The following LOXL2 variants were observed in gnomAD, a reference collection of about 807,000 sequenced individuals.
LOXL2 encodes lysyl oxidase like 2, also known as lysyl oxidase homolog 2.
Under a neutral mutation model 93.0 loss-of-function variants are expected in LOXL2, and 70 were observed. The observed-to-expected ratio is 0.75, with a 90% CI of 0.62 to 0.92. The LOEUF is 0.92. Among genes scored for constraint, LOXL2 ranks in the 40% least tolerant of loss-of-function variants. The pLI, the probability that LOXL2 is intolerant of heterozygous loss-of-function variation, is 0.00. For missense variants in LOXL2, 973 were observed against 1,054.9 expected (o/e 0.92, Z 1.08); for synonymous variants, 438 against 413.2 (o/e 1.06, Z -0.73).
chr8:23,366,341 C>T (rs1486623528), intron 2 of LOXL2, among the ~76,000 whole-genome samples: 2 of 152,240 alleles, frequency 1.3e-5, no homozygotes, highest in East Asian at 3.8e-4. Context: ...GAGCAAGCTG[C>T]AGAGAACATT....
At chr8:23,331,498 C>T (rs1803676718) in intron 5 of LOXL2, 1 of 152,250 alleles carries the variant, frequency 6.6e-6, no homozygotes, top group Non-Finnish European at 1.5e-5. Context: ...TTACCTGGCA[C>T]AGGGCATCAG....
chr8:23,312,080 C>G (rs545882443), intron 9 of LOXL2, among the ~76,000 whole-genome samples: 1 of 152,154 alleles, frequency 6.6e-6, no homozygotes, highest in African/African-American at 2.4e-5. Flanking sequence ...ACACATACAC[C>G]GTCCCAAGAC....
At chr8:23,311,626 G>C (rs77755347) in intron 9 of LOXL2, among the ~76,000 whole-genome samples, 11,618 of 152,216 alleles carry the variant, frequency 0.076, 617 homozygotes, top group African/African-American at 0.15. Context: ...GCCATGGGTT[G>C]GGGACTTGGC....
Position 23,378,876 on chromosome 8 carries a change from T to C in LOXL2, c.-83-10442A>G, listed in dbSNP as rs535632920. On this transcript the variant is annotated intron_variant, in intron 1 of 13. Coordinates refer to ENST00000389131, the MANE Select transcript of LOXL2 (RefSeq NM_002318.3). ...TTCAAGGTTTTTAGCTTATGTTGGG[T>C]TTGAAATTCCTCCTTTAGCTTGGAG... Among the ~76,000 whole-genome samples the C allele has an allele frequency of 4.6e-5, 7 of 152,330 alleles. No individual in the cohort carries two copies. The East Asian group carries it at 1.4e-3, about 29-fold the overall frequency.
chr8:23,359,422 T>C (rs767909324), intron 3 of LOXL2, among the ~76,000 whole-genome samples: 6 of 152,136 alleles, frequency 3.9e-5, no homozygotes, highest in Non-Finnish European at 8.8e-5. Flanking sequence ...ACAACCACCA[T>C]GTCCTGAGGC....
intron 11 of LOXL2, among the ~76,000 whole-genome samples, chr8:23,302,605 C>T (rs1205247504): frequency 6.6e-6 from 1 of 152,214 alleles, no homozygotes; most frequent in Non-Finnish European, 1.5e-5. Flanking sequence ...AAGAGGTCAA[C>T]ACCTGTCTGC....
intron 3 of LOXL2, among the ~76,000 whole-genome samples, chr8:23,359,435 C>T (rs554871057): frequency 1.3e-3 from 199 of 152,284 alleles, no homozygotes; most frequent in African/African-American, 4.5e-3. Context: ...CCTGAGGCCA[C>T]TCAGGCAGCC....
intron 3 of LOXL2, among the ~76,000 whole-genome samples, chr8:23,342,770 A>T (rs530724335): frequency 6.7e-6 from 1 of 150,240 alleles, no homozygotes; most frequent in Non-Finnish European, 1.5e-5. Flanking sequence ...TTCTTTTTTG[A>T]GGCAGGGTCT....
At chr8:23,303,198 G>C (rs577816368) in intron 11 of LOXL2, 84 bp downstream of exon 11, 6 of 851,934 alleles carry the variant, frequency 7.0e-6, no homozygotes, top group South Asian at 1.3e-5. Context: ...TCAGTGCCAG[G>C]CCTGGGCTCC....
chr8:23,365,166 C>A (rs572758863), intron 2 of LOXL2: 4 of 152,530 alleles, frequency 2.6e-5, no homozygotes, highest in African/African-American at 9.6e-5. Context: ...TTTCACTGCT[C>A]CAGCCTGAAG....
At chr8:23,300,303 C>A (rs1156461304) in intron 12 of LOXL2, among the ~76,000 whole-genome samples, 1 of 152,246 alleles carries the variant, frequency 6.6e-6, no homozygotes. Context: ...CTCACGAGGG[C>A]CTGCGGGAAG....
chr8:23,350,527 G>T (rs541578035), intron 3 of LOXL2, among the ~76,000 whole-genome samples: 2 of 152,182 alleles, frequency 1.3e-5, no homozygotes, highest in East Asian at 3.9e-4. Flanking sequence ...CTGAGGTCAC[G>T]CCATTGCACT....
In LOXL2 at chr8:23,395,317, C is replaced by CAA. The variant is rs111889384; in HGVS notation, c.-84+8635_-84+8636dup. Reference sequence around the variant, plus strand: ...TTAAGGGAAGTGAAAAAAGCCAGACCAAAAAAAAAAAAAAAAAACCACATA... The same window carrying CAA: ...TTAAGGGAAGTGAAAAAAGCCAGACCAAAAAAAAAAAAAAAAAAAACCACATA... On this transcript the variant is annotated intron_variant, in intron 1 of 13. Coordinates refer to ENST00000389131, the MANE Select transcript of LOXL2 (RefSeq NM_002318.3). Among the ~76,000 whole-genome samples, 233 of 82,038 alleles carry CAA rather than the reference C, an allele frequency of 2.8e-3. 2 individuals are homozygous for CAA. The highest frequency in any genetic ancestry group is 8.3e-3 in the African/African-American group (188 of 22,578). The allele number at this position is 82,038 out of a possible 152,430, so 53.8% of individuals were successfully genotyped here.
Position 23,302,013 on chromosome 8 carries a change from C to T in LOXL2, c.2133+14G>A. Reference sequence around the variant, plus strand: ...TCCCCCTGCAGGGCTGGAACCCCTTCCCACCCACCTCACCTGGAACAGGTA... The same window carrying T: ...TCCCCCTGCAGGGCTGGAACCCCTTTCCACCCACCTCACCTGGAACAGGTA... On this transcript the variant is annotated intron_variant, in intron 12 of 13. Coordinates refer to ENST00000389131, the MANE Select transcript of LOXL2 (RefSeq NM_002318.3). 6.2e-7 allele frequency: 1 copy of T among 1,613,516 alleles called. No individual in the cohort carries two copies. Among genetic ancestry groups the T allele is most frequent in the East Asian group, 2.2e-5 (1 of 44,862 alleles).
At chr8:23,299,027 G>C in intron 12 of LOXL2, 80 bp from the exon 13 acceptor site, 1 of 831,536 alleles carries the variant, frequency 1.2e-6, no homozygotes, top group Non-Finnish European at 2.1e-6. Context: ...TGAGAGACCA[G>C]CACCTCAGGG....
chr8:23,391,379 C>T (rs1025069309), intron 1 of LOXL2, among the ~76,000 whole-genome samples: 7 of 152,128 alleles, frequency 4.6e-5, no homozygotes. Flanking sequence ...AGGTTCTTCA[C>T]GGGCTACATC....
intron 1 of LOXL2, among the ~76,000 whole-genome samples, chr8:23,398,430 A>G (rs974116985): frequency 6.6e-6 from 1 of 152,202 alleles, no homozygotes; most frequent in Non-Finnish European, 1.5e-5. Context: ...GAAGACTATA[A>G]TTAAATATAA....
intron 3 of LOXL2, among the ~76,000 whole-genome samples, chr8:23,343,085 C>G (rs529359359): frequency 5.9e-5 from 9 of 152,324 alleles, no homozygotes; most frequent in African/African-American, 2.2e-4. Flanking sequence ...TGTCCCTTGA[C>G]TAGCTCCTCT....
intron 10 of LOXL2, among the ~76,000 whole-genome samples, chr8:23,304,856 G>A (rs949643630): frequency 4.6e-5 from 7 of 152,184 alleles, no homozygotes. Context: ...TACGGGCAGT[G>A]GGGGCACGGG....
Sources: gnomAD v4.1 joint callset for allele counts (sites outside exome capture counted in the v4.1 genomes callset) on GRCh38, gnomAD v4.1.1 for gene constraint, MANE v1.5 for transcripts, NCBI Gene and HGNC (gene_info 2026-07-23, HGNC 2026-07-21) for gene names.